The following PRDM15 variants were observed in gnomAD, a reference collection of about 807,000 sequenced individuals.
PRDM15 encodes PR domain zinc finger protein 15.
Under a neutral mutation model 128.6 loss-of-function variants are expected in PRDM15, and 64 were observed. That is an observed-to-expected ratio of 0.50 (90% confidence interval 0.41 to 0.61). The LOEUF (loss-of-function observed/expected upper bound fraction) is 0.61. Among genes scored for constraint, PRDM15 ranks in the 20% least tolerant of loss-of-function variants. The pLI is 0.00. For missense variants in PRDM15, 1,242 were observed against 1,569.1 expected, an observed-to-expected ratio of 0.79 and a Z score of 3.52; for synonymous variants, 615 against 621.8, an observed-to-expected ratio of 0.99 and a Z score of 0.16.
chr21:41,861,170 T>C (rs1004232838), intron 1 of PRDM15, among the ~76,000 whole-genome samples: 7 of 152,210 alleles, frequency 4.6e-5, no homozygotes, highest in African/African-American at 1.7e-4. Flanking sequence ...TGTCACTTTT[T>C]TTCCCCTCAC....
chr21:41,837,270 A>G (rs2062925729), intron 8 of PRDM15, among the ~76,000 whole-genome samples: 1 of 152,222 alleles, frequency 6.6e-6, no homozygotes, highest in South Asian at 2.1e-4. Flanking sequence ...ATAGCAAAGT[A>G]TTTTACCACA....
At chr21:41,878,328 TG>T (rs1569037768) in intron 1 of PRDM15, among the ~76,000 whole-genome samples, 2 of 152,060 alleles carry the variant, frequency 1.3e-5, no homozygotes, top group African/African-American at 4.8e-5. Context: ...GACTTGGGGG[TG>T]AGGGGCAATT....
intron 5 of PRDM15, among the ~76,000 whole-genome samples, chr21:41,850,660 C>T (rs1024687929): frequency 2.6e-5 from 4 of 151,968 alleles, no homozygotes; most frequent in Non-Finnish European, 4.4e-5. Flanking sequence ...CTTGAGCCCA[C>T]GAGGGCGGCT....
In PRDM15 at chr21:41,821,056, C is replaced by T; in HGVS notation, c.2060+11G>A. ...CCTGACACAACCCGGGAGCCCCCGA[C>T]CAGGCCTCACTTCTGCACGTTGGGG... is the stretch of plus-strand genomic sequence containing the variant. On this transcript the variant is annotated intron_variant, in intron 16 of 23. Transcript: ENST00000398548. This position sits in a 1 kb window ranked among gnomAD's most constrained non-coding sequence, Gnocchi z 5.4. 1 of 1,614,172 alleles carries T rather than the reference C, an allele frequency of 6.2e-7. No homozygotes were observed. Among genetic ancestry groups the T allele is most frequent in the Non-Finnish European group, 8.5e-7 (1 of 1,180,012 alleles).
chr21:41,826,350 A>C (rs948815785), intron 12 of PRDM15, among the ~76,000 whole-genome samples: 1 of 152,208 alleles, frequency 6.6e-6, no homozygotes, highest in African/African-American at 2.4e-5. Flanking sequence ...TCGAGTGCTA[A>C]ATGTTCCTAG....
chr21:41,868,694 C>CTTTTTTT (rs55653735), intron 1 of PRDM15, among the ~76,000 whole-genome samples: 23 of 125,164 alleles, frequency 1.8e-4, no homozygotes, highest in South Asian at 5.2e-4. Flanking sequence ...TTTTCTTTTT[C>CTTTTTTT]TTTTTTTTTT....
chr21:41,858,279 G>A (rs2063699733), intron 3 of PRDM15, among the ~76,000 whole-genome samples: 1 of 152,278 alleles, frequency 6.6e-6, no homozygotes, highest in Non-Finnish European at 1.5e-5. Flanking sequence ...CCAGGACAGA[G>A]GCGGACATGG....
At chr21:41,851,813 C>G (rs2145820586) in intron 5 of PRDM15, among the ~76,000 whole-genome samples, 1 of 152,304 alleles carries the variant, frequency 6.6e-6, no homozygotes, top group East Asian at 1.9e-4. Flanking sequence ...CCAGAAATAA[C>G]TGCTTGCCAT....
chr21:41,825,868 T>C, intron 13 of PRDM15, 92 bp downstream of exon 13: 1 of 1,025,968 alleles, frequency 9.7e-7, no homozygotes, highest in Non-Finnish European at 1.5e-6. Context: ...AAATCTTCCC[T>C]GCAATATTCT....
In PRDM15 at chr21:41,821,705, A is replaced by G. The variant is rs1169953174; in HGVS notation, c.1896+198T>C. Among the ~76,000 whole-genome samples, 1 of 152,206 alleles carries G rather than the reference A, an allele frequency of 6.6e-6. No individual in the cohort carries two copies. Among genetic ancestry groups the G allele is most frequent in the Non-Finnish European group, 1.5e-5 (1 of 68,032 alleles). On this transcript the variant is annotated intron_variant, in intron 15 of 23. Coordinates refer to ENST00000398548, the MANE Select transcript of PRDM15 (RefSeq NM_001040424.3). The surrounding 1 kb of genome is among the most constrained non-coding windows in gnomAD (Gnocchi z 5.4). ...CCACACAGACCGTCCCTGAGCACCA[A>G]GGTGACACAGGCTGGCCTTCCCAGG... is the stretch of plus-strand genomic sequence containing the variant.
chr21:41,859,456 C>T lies in PRDM15; in HGVS notation c.131+136G>A, dbSNP rs915343005. On this transcript the variant is annotated intron_variant, in intron 3 of 23. Transcript: ENST00000398548. The surrounding 1 kb of genome is among the most constrained non-coding windows in gnomAD (Gnocchi z 5.3). The stretch of plus-strand genomic sequence containing the variant: ...AACGCTGCTCAGTTCACAGTGGGAG[C>T]GGAATCGCTGGCTCTCACTCAGAGT... The T allele has an allele frequency of 1.9e-5, 14 of 752,714 alleles. No individual in the cohort carries two copies. Among genetic ancestry groups the T allele is most frequent in the East Asian group, 8.1e-5 (3 of 37,248 alleles). The allele number at this position is 752,714 out of a possible 1,614,324, so 46.6% of individuals were successfully genotyped here.
chr21:41,859,947 G>A lies in PRDM15; in HGVS notation c.38-262C>T, dbSNP rs1569003289. Among the ~76,000 whole-genome samples, 1 of 152,100 alleles carries A rather than the reference G, an allele frequency of 6.6e-6. No homozygotes were observed. Among genetic ancestry groups the A allele is most frequent in the Admixed American group, 6.5e-5 (1 of 15,274 alleles). Reference sequence around the variant, plus strand: ...AGGGAAAGCTCTAGCTCCGCCGCACGCCTCAAATCAAGCACGGTCACCTCC... The same window carrying A: ...AGGGAAAGCTCTAGCTCCGCCGCACACCTCAAATCAAGCACGGTCACCTCC... On this transcript the variant is annotated intron_variant, in intron 2 of 23. Transcript: ENST00000398548. The surrounding 1 kb of genome is among the most constrained non-coding windows in gnomAD (Gnocchi z 5.3).
Position 41,836,448 on chromosome 21 carries a change from G to A in PRDM15, c.1183+20C>T, listed in dbSNP as rs759750960. ...GTCCTGGCCCTGGCCCCGGGCGCCA[G>A]CCGGGCCTCGCGGACTCACCATGCG... On this transcript the variant is annotated intron_variant, in intron 9 of 23. Transcript: ENST00000398548. 11 of 1,598,698 alleles carry A rather than the reference G, an allele frequency of 6.9e-6. No homozygotes were observed. In the South Asian group the frequency reaches 1.2e-4, roughly 18 times the overall value.
At chr21:41,868,005 C>G (rs958433496) in intron 1 of PRDM15, among the ~76,000 whole-genome samples, 3 of 145,404 alleles carry the variant, frequency 2.1e-5, no homozygotes, top group African/African-American at 7.7e-5. Context: ...TGCAGTGAGA[C>G]GAGATCCACT....
rs1324896847 is a variant in PRDM15 at position 41,859,860 on chromosome 21, T to A, written c.38-175A>T. On this transcript the variant is annotated intron_variant, in intron 2 of 23. Coordinates refer to ENST00000398548, the MANE Select transcript of PRDM15 (RefSeq NM_001040424.3). This position sits in a 1 kb window ranked among gnomAD's most constrained non-coding sequence, Gnocchi z 5.3. ...TGCATTGGATGGCAGAAGGCCTGTG[T>A]CCCGAAGGCCTCTGTCAGCACTCGT... Among the ~76,000 whole-genome samples, 2 of 152,000 alleles carry A rather than the reference T, an allele frequency of 1.3e-5. No individual in the cohort carries two copies. The highest frequency in any genetic ancestry group is 2.9e-5 in the Non-Finnish European group (2 of 68,002).
At chr21:41,834,377 G>A (rs983558542) in intron 11 of PRDM15, 2 of 799,500 alleles carry the variant, frequency 2.5e-6, no homozygotes, top group Non-Finnish European at 2.1e-6. Flanking sequence ...GAGCCCCTGG[G>A]AGTCCGCTGC....
intron 8 of PRDM15, among the ~76,000 whole-genome samples, chr21:41,837,180 C>G (rs2062922875): frequency 6.6e-6 from 1 of 152,212 alleles, no homozygotes; most frequent in Admixed American, 6.5e-5. Flanking sequence ...TGACCACCAA[C>G]TTACTCAACT....
chr21:41,805,994 C>CCACCACCACCACCACCACCACCACCAT (rs1568879341), intron 21 of PRDM15, among the ~76,000 whole-genome samples: 57 of 80,770 alleles, frequency 7.1e-4, no homozygotes, highest in South Asian at 1.3e-3. Flanking sequence ...ACTATCACCA[C>CCACCACCACCACCACCACCACCACCAT]CACCACCACC....
intron 1 of PRDM15, chr21:41,878,845 C>CG (rs202107842): frequency 1 from 995,991 of 996,720 alleles, 497,634 homozygotes; most frequent in Admixed American, 1. Context: ...GGCCGCGGGC[C>CG]GGGGCGGCGA....
Sources: allele counts gnomAD v4.1 joint callset (sites outside exome capture counted in the v4.1 genomes callset), GRCh38; gene constraint gnomAD v4.1.1; non-coding constraint Gnocchi (gnomAD v3.1); transcripts MANE v1.5; gene names NCBI Gene and HGNC (gene_info 2026-07-23, HGNC 2026-07-21).